Variants in BCAR3 observed in about 807,000 individuals in gnomAD.
The protein encoded by BCAR3 is breast cancer anti-estrogen resistance protein 3.
A neutral mutation model predicts 80.1 loss-of-function variants in BCAR3; 37 were observed. The observed-to-expected ratio is 0.46, with a 90% CI of 0.36 to 0.61. The LOEUF (loss-of-function observed/expected upper bound fraction) is 0.61, where lower values mean the gene tolerates loss of function less well. Ranked by LOEUF, BCAR3 falls within the 20% of genes least tolerant of loss-of-function variation. The pLI, the probability that BCAR3 is intolerant of heterozygous loss-of-function variation, is 0.00. For missense variants in BCAR3, 978 were observed against 1,068.2 expected, an observed-to-expected ratio of 0.92 and a Z score of 1.18; for synonymous variants, 389 against 418.9, an observed-to-expected ratio of 0.93 and a Z score of 0.87.
At chr1:93,657,770 CT>C (rs1647458042) in intron 2 of BCAR3, among the ~76,000 whole-genome samples, 4 of 151,844 alleles carry the variant, frequency 2.6e-5, no homozygotes, top group Admixed American at 2.6e-4. Flanking sequence ...TAATCCTCAC[CT>C]TTTCATAATG....
At chr1:93,705,350 G>A (rs909381799) in intron 3 of BCAR3, among the ~76,000 whole-genome samples, 7 of 152,098 alleles carry the variant, frequency 4.6e-5, no homozygotes, top group East Asian at 1.9e-4. Context: ...TTGTAAATGC[G>A]GAAATAAAGG....
At chr1:93,787,586 G>A (rs749423421) in intron 2 of BCAR3, among the ~76,000 whole-genome samples, 5 of 152,078 alleles carry the variant, frequency 3.3e-5, no homozygotes, top group African/African-American at 7.2e-5. Context: ...TCATTCAAGC[G>A]CAGATTATTT....
At chr1:93,680,140 A>G (rs1571039083) in intron 1 of BCAR3, among the ~76,000 whole-genome samples, 1 of 152,354 alleles carries the variant, frequency 6.6e-6, no homozygotes, top group Middle Eastern at 3.4e-3. Flanking sequence ...AGTCTAGCCA[A>G]ATGATTCAAG....
At position 93,567,358 on chromosome 1, in the gene BCAR3, C is replaced by T. The variant is rs1353929747; in HGVS notation, c.2220G>A (p.Met740Ile). The T allele has an allele frequency of 1.2e-6, 2 of 1,614,074 alleles. No individual in the cohort carries two copies. The highest frequency in any genetic ancestry group is 1.7e-6 in the Non-Finnish European group (2 of 1,180,042). Residue 740 changes from methionine to isoleucine, a missense_variant, in exon 11 of 12, where the codon ATG becomes ATA. Coordinates refer to ENST00000260502, the MANE Select transcript of BCAR3 (RefSeq NM_003567.4). ...ATCGCGCTGTTGCCAAATGGTTCAG[C>T]ATGATTTCACAGCTCTGGTCGTTTT... is the stretch of plus-strand genomic sequence containing the variant. The part of the protein sequence containing the change: ...WEKNDQSCEI[M>I]LNHLATARFM...
At chr1:93,659,668 T>A (rs979550874) in intron 2 of BCAR3, among the ~76,000 whole-genome samples, 1 of 152,138 alleles carries the variant, frequency 6.6e-6, no homozygotes, top group African/African-American at 2.4e-5. Flanking sequence ...TAGATGACAA[T>A]CACGGTTCTA....
chr1:93,749,886 C>CTTTTTTT (rs754541949), intron 2 of BCAR3, among the ~76,000 whole-genome samples: 11 of 140,436 alleles, frequency 7.8e-5, no homozygotes, highest in East Asian at 4.2e-4. Flanking sequence ...ATGATCTTGA[C>CTTTTTTT]TTATTTTTTT....
At chr1:93,749,990 T>C (rs12132025) in intron 2 of BCAR3, among the ~76,000 whole-genome samples, 14,786 of 151,838 alleles carry the variant, frequency 0.097, 921 homozygotes, top group East Asian at 0.19. Flanking sequence ...GGCACCAGAA[T>C]TGGTCTCAGT....
chr1:93,567,248 T>C, intron 11 of BCAR3, 31 bp downstream of exon 11: 2 of 1,608,794 alleles, frequency 1.2e-6, no homozygotes, highest in South Asian at 2.2e-5. Context: ...GATACAGTGT[T>C]AGAGAACAGC....
Position 93,760,167 on chromosome 1 carries a change from G to GA in BCAR3, c.-62-54026dup, listed in dbSNP as rs35204994. On this transcript the variant is annotated intron_variant, in intron 2 of 13. Coordinates refer to the BCAR3 transcript ENST00000370244. ...ATGAATGAATAAATGTGGCCCACAGGAAAAAAAAAAGGCATTTCTGGAGTT... is the reference window on the plus strand; with the variant it reads ...ATGAATGAATAAATGTGGCCCACAGGAAAAAAAAAAAGGCATTTCTGGAGTT... Among the ~76,000 whole-genome samples, 810 of 147,940 alleles carry GA rather than the reference G, an allele frequency of 5.5e-3. 3 individuals carry two copies. The highest frequency in any genetic ancestry group is 0.012 in the African/African-American group (481 of 40,442).
At chr1:93,777,793 G>T (rs964583154) in intron 2 of BCAR3, among the ~76,000 whole-genome samples, 1 of 152,116 alleles carries the variant, frequency 6.6e-6, no homozygotes, top group African/African-American at 2.4e-5. Context: ...CCACTATTTG[G>T]TTACCCTGAG....
intron 3 of BCAR3, among the ~76,000 whole-genome samples, chr1:93,700,754 C>T (rs974476345): frequency 4.6e-5 from 7 of 152,234 alleles, no homozygotes; most frequent in Admixed American, 4.6e-4. Context: ...CTGTGGAGAA[C>T]AAATGGACAC....
In BCAR3 at chr1:93,816,454, C is replaced by T. The variant is rs375367848; in HGVS notation, c.-63+29113G>A. On this transcript the variant is annotated intron_variant, in intron 2 of 13. Transcript: ENST00000370244. ...TTGGGAGGTTGAGGCAGGCAGATCACGAGGTCAGGAGTTCGAGACTAGCCT... is the reference window on the plus strand; with the variant it reads ...TTGGGAGGTTGAGGCAGGCAGATCATGAGGTCAGGAGTTCGAGACTAGCCT... Among the ~76,000 whole-genome samples, 5 of 151,944 alleles carry T rather than the reference C, an allele frequency of 3.3e-5. No individual in the cohort carries two copies. In the East Asian group the frequency reaches 5.8e-4, roughly 18 times the overall value.
At chr1:93,593,024 C>T (rs940848747) in intron 3 of BCAR3, among the ~76,000 whole-genome samples, 3 of 152,170 alleles carry the variant, frequency 2.0e-5, no homozygotes, top group Non-Finnish European at 2.9e-5. Flanking sequence ...GAAAGTGAAA[C>T]AAATTTAAAA....
chr1:93,634,576 T>C (rs1675719320), intron 3 of BCAR3, among the ~76,000 whole-genome samples: 1 of 152,054 alleles, frequency 6.6e-6, no homozygotes, highest in South Asian at 2.1e-4. Flanking sequence ...AGGCCTATAA[T>C]CCCAGCTACT....
At chr1:93,719,355 T>C (rs1392352218) in intron 2 of BCAR3, among the ~76,000 whole-genome samples, 51 of 144,330 alleles carry the variant, frequency 3.5e-4, no homozygotes, top group African/African-American at 1.1e-3. Flanking sequence ...TTTTTTTTTT[T>C]TTTTGAGACA....
intron 2 of BCAR3, among the ~76,000 whole-genome samples, chr1:93,714,504 C>T (rs1377977759): frequency 6.6e-6 from 1 of 152,150 alleles, no homozygotes; most frequent in African/African-American, 2.4e-5. Context: ...CCAGGGTCAC[C>T]ACAGCCCAGC....
chr1:93,783,462 G>A (rs2100762683), intron 2 of BCAR3, among the ~76,000 whole-genome samples: 1 of 152,238 alleles, frequency 6.6e-6, no homozygotes, highest in South Asian at 2.1e-4. Flanking sequence ...CAGAGCAGCT[G>A]TACAAAATAG....
chr1:93,829,257 T>TTATTATGCAAATA (rs1654477054), intron 2 of BCAR3, among the ~76,000 whole-genome samples: 2 of 152,004 alleles, frequency 1.3e-5, no homozygotes, highest in African/African-American at 4.8e-5. Context: ...CCCTAGTCTT[T>TTATTATGCAAATA]TATTATGCAA....
At chr1:93,682,013 G>A (rs1034015103), upstream of BCAR3, among the ~76,000 whole-genome samples, 2 of 151,874 alleles carry the variant, frequency 1.3e-5, no homozygotes, top group Admixed American at 6.6e-5. Context: ...TCTCCCCAAG[G>A]AGCCAGTCCT....
Sources: gnomAD v4.1 joint callset for allele counts (sites outside exome capture counted in the v4.1 genomes callset) on GRCh38, gnomAD v4.1.1 for gene constraint, MANE v1.5 for transcripts, NCBI Gene and HGNC (gene_info 2026-07-23, HGNC 2026-07-21) for gene names.